The following CGGBP1 variants were observed in gnomAD, a reference collection of about 807,000 sequenced individuals.
CGGBP1 encodes CGG triplet repeat binding protein 1, also known as CGG triplet repeat-binding protein 1.
Under a neutral mutation model 11.4 loss-of-function variants are expected in CGGBP1, and 4 were observed. The observed-to-expected ratio is 0.35, with a 90% CI of 0.17 to 0.80. The LOEUF (loss-of-function observed/expected upper bound fraction) is 0.80. Among genes scored for constraint, CGGBP1 ranks in the 30% least tolerant of loss-of-function variants. The pLI is 0.52. For synonymous variants in CGGBP1, 76 were observed against 74.1 expected, an observed-to-expected ratio of 1.03 and a Z score of -0.13; for missense variants, 135 against 202.1, an observed-to-expected ratio of 0.67 and a Z score of 2.01.
chr3:88,139,777 A>C (rs1707005497), intron 2 of CGGBP1: 2 of 1,554,318 alleles, frequency 1.3e-6, no homozygotes, highest in East Asian at 4.9e-5. Flanking sequence ...TATGAGGAGG[A>C]AGAGGATGAA....
Position 88,055,044 on chromosome 3 carries a change from A to C in CGGBP1, c.*429T>G, listed in dbSNP as rs541382195. On this transcript the variant is annotated 3_prime_UTR_variant, in exon 4 of 4. Coordinates refer to ENST00000482016, the MANE Select transcript of CGGBP1 (RefSeq NM_001008390.2). This position sits in a 1 kb window ranked among gnomAD's most constrained non-coding sequence, Gnocchi z 4.2. ...CTTTTTGAAGAGGATCCTCTAAAGA[A>C]AATAATTCCTTTAAGTTACTGTTAA... The C allele has an allele frequency of 6.5e-6, 1 of 154,296 alleles. No homozygotes were observed. The highest frequency in any genetic ancestry group is 2.4e-5 in the African/African-American group (1 of 41,656). The allele number at this position is 154,296 out of a possible 1,614,324, so 9.6% of individuals were successfully genotyped here. A position where few individuals can be genotyped will look rare whatever the true frequency, so the allele number is the denominator to read the frequency against.
rs1559701626 is a variant in CGGBP1, at chr3:88,088,756, GT to G, written c.-228-30534del. Among the ~76,000 whole-genome samples the G allele has an allele frequency of 5.4e-4, 77 of 143,788 alleles. 1 individual carries two copies. Among genetic ancestry groups the G allele is most frequent in the Middle Eastern group, 3.5e-3 (1 of 284 alleles). The allele number at this position is 143,788 out of a possible 152,430, so 94.3% of individuals were successfully genotyped here. A position where few individuals can be genotyped will look rare whatever the true frequency, so the allele number is the denominator to read the frequency against. ...AAAAAACCTTTATTTATGTATGTAT[GT>G]ATGTATGGATGGATGGATGGATGGA... is the stretch of plus-strand genomic sequence containing the variant. On this transcript the variant is annotated intron_variant, in intron 2 of 3. Transcript: ENST00000462901.
chr3:88,144,218 A>G (rs1707252551), intron 1 of CGGBP1: 1 of 152,364 alleles, frequency 6.6e-6, no homozygotes, highest in East Asian at 1.9e-4. Context: ...TTTGGGCTTT[A>G]GCCATATTCA....
chr3:88,093,730 C>G (rs989509850), intron 2 of CGGBP1, among the ~76,000 whole-genome samples: 9 of 152,224 alleles, frequency 5.9e-5, no homozygotes, highest in African/African-American at 2.2e-4. Context: ...AGCCTAACTT[C>G]AGTCTCTACT....
chr3:88,139,568 T>C, intron 2 of CGGBP1: 1 of 1,613,604 alleles, frequency 6.2e-7, no homozygotes, highest in South Asian at 1.1e-5. Flanking sequence ...ATGGGAATTC[T>C]GATAGTAAGG....
chr3:88,129,046 T>A, intron 2 of CGGBP1: 1 of 1,457,286 alleles, frequency 6.9e-7, no homozygotes, highest in Non-Finnish European at 9.1e-7. Context: ...TATTACCATT[T>A]TAACCCTACC....
chr3:88,109,027 TG>T (rs1704917986), intron 2 of CGGBP1, among the ~76,000 whole-genome samples: 1 of 152,034 alleles, frequency 6.6e-6, no homozygotes, highest in Non-Finnish European at 1.5e-5. Flanking sequence ...GTGGGAGACA[TG>T]AACAGAAACA....
At chr3:88,125,991 A>T in intron 2 of CGGBP1, 1 of 809,358 alleles carries the variant, frequency 1.2e-6, no homozygotes, top group Non-Finnish European at 1.8e-6. Context: ...TCGACACCCT[A>T]CTTAGGTTAC....
intron 2 of CGGBP1, chr3:88,086,478 T>C (rs1489265141): frequency 1.6e-6 from 2 of 1,254,720 alleles, no homozygotes; most frequent in Admixed American, 6.2e-5. Flanking sequence ...TAATTTCTTC[T>C]GAAGAAGAAA....
chr3:88,141,582 T>A, intron 1 of CGGBP1: 1 of 1,280,404 alleles, frequency 7.8e-7, no homozygotes, highest in Non-Finnish European at 1.1e-6. Flanking sequence ...AACAGGAATC[T>A]GACTTGGAAT....
chr3:88,130,617 A>ATTTTT (rs10674029), intron 2 of CGGBP1, among the ~76,000 whole-genome samples: 34 of 129,174 alleles, frequency 2.6e-4, no homozygotes, highest in African/African-American at 6.4e-4. Context: ...TGCCCAGCTA[A>ATTTTT]TTTTTTTTTT....
intron 2 of CGGBP1, among the ~76,000 whole-genome samples, chr3:88,064,867 A>T (rs1349119743): frequency 6.6e-6 from 1 of 152,192 alleles, no homozygotes; most frequent in African/African-American, 2.4e-5. Flanking sequence ...AGCTCAGTAA[A>T]TAATAATATG....
chr3:88,126,125 C>G, intron 2 of CGGBP1: 1 of 1,468,624 alleles, frequency 6.8e-7, no homozygotes, highest in South Asian at 1.3e-5. Context: ...AATGATTTTT[C>G]TCTCCTAGGA....
chr3:88,080,734 G>A (rs1453969115), intron 2 of CGGBP1, among the ~76,000 whole-genome samples: 1 of 152,294 alleles, frequency 6.6e-6, no homozygotes, highest in South Asian at 2.1e-4. Context: ...AAAAGTAAAT[G>A]TAGAAATCTG....
chr3:88,097,488 G>A (rs1249093242), intron 2 of CGGBP1, among the ~76,000 whole-genome samples: 1 of 151,946 alleles, frequency 6.6e-6, no homozygotes, highest in Non-Finnish European at 1.5e-5. Context: ...AGACCTAACA[G>A]ACATCTACTG....
rs547908283 is a variant in CGGBP1 at position 88,082,315 on chromosome 3, CAG to C, written c.-228-24094_-228-24093del. ...CTAATTTTTATATTTTTAGTAGTGA[CAG>C]GGTTTCACCATGTTGGCTAGGATGG... On this transcript the variant is annotated intron_variant, in intron 2 of 3. Transcript: ENST00000462901. Among the ~76,000 whole-genome samples, 28 of 152,222 alleles carry C rather than the reference CAG, an allele frequency of 1.8e-4. 1 individual carries two copies. The South Asian group carries it at 5.8e-3, about 32-fold the overall frequency.
intron 2 of CGGBP1, chr3:88,129,714 G>A: frequency 1.3e-6 from 2 of 1,507,824 alleles, no homozygotes; most frequent in Non-Finnish European, 8.9e-7. Flanking sequence ...TTGTAAGAGT[G>A]GAATTGATAT....
At chr3:88,125,331 A>T (rs1706033812) in intron 2 of CGGBP1, among the ~76,000 whole-genome samples, 1 of 152,232 alleles carries the variant, frequency 6.6e-6, no homozygotes, top group Admixed American at 6.5e-5. Context: ...AATGAGATTT[A>T]TATATTCAGT....
At chr3:88,099,563 T>TG (rs150173537) in intron 2 of CGGBP1, among the ~76,000 whole-genome samples, 119,052 of 151,964 alleles carry the variant, frequency 0.78, 47,548 homozygotes, top group South Asian at 0.91. Context: ...TCACACTACC[T>TG]ACTTCAAACT....
Sources: gnomAD v4.1 joint callset for allele counts (sites outside exome capture counted in the v4.1 genomes callset) on GRCh38, gnomAD v4.1.1 for gene constraint, Gnocchi (gnomAD v3.1) non-coding constraint, MANE v1.5 for transcripts, NCBI Gene and HGNC (gene_info 2026-07-23, HGNC 2026-07-21) for gene names.